Variants in NSD1 observed in about 807,000 individuals in gnomAD.
NSD1 encodes nuclear receptor binding SET domain protein 1.
Under a neutral mutation model 242.7 loss-of-function variants are expected in NSD1, and 26 were observed. The ratio of observed to expected loss-of-function variants is 0.11; its 90% CI spans 0.08 to 0.15. NSD1 has a LOEUF of 0.15. NSD1 is among the 10% of genes least tolerant of loss of function. The pLI is 1.00. For missense variants in NSD1, 2,495 were observed against 3,272.8 expected, an observed-to-expected ratio of 0.76 and a Z score of 5.80; for synonymous variants, 1,106 against 1,178.1, an observed-to-expected ratio of 0.94 and a Z score of 1.25.
upstream of NSD1, among the ~76,000 whole-genome samples, chr5:177,132,845 G>A (rs1755969725): frequency 6.6e-6 from 1 of 152,108 alleles, no homozygotes; most frequent in South Asian, 2.1e-4. The surrounding 1 kb of genome is among the most constrained non-coding windows in gnomAD (Gnocchi z 7.5). Context: ...GTGAGGGGCT[G>A]TGGGCACCGC....
Position 177,134,968 on chromosome 5 carries a change from C to A in NSD1, c.-17-119C>A, listed in dbSNP as rs910427401. 4.7e-6 allele frequency: 4 copies of A among 859,126 alleles called. No individual in the cohort carries two copies. Among genetic ancestry groups the A allele is most frequent in the Non-Finnish European group, 7.5e-6 (4 of 536,442 alleles). 53.2% of individuals were successfully genotyped at this position (859,126 alleles called of 1,614,324 possible). On this transcript the variant is annotated intron_variant, in intron 1 of 22. Transcript: ENST00000439151. The surrounding 1 kb of genome is among the most constrained non-coding windows in gnomAD (Gnocchi z 4.2). ...TCTCCAGTCGGGGGAACTTTTTCTG[C>A]CCATGGAAGTGCAGCAGAAAGGCAT...
At chr5:177,227,966 A>AT (rs903421610) in intron 5 of NSD1, among the ~76,000 whole-genome samples, 17 of 150,130 alleles carry the variant, frequency 1.1e-4, no homozygotes, top group Admixed American at 7.3e-4. Context: ...AAAAAGCAGA[A>AT]TTTTTTTTTG....
At chr5:177,199,200 C>T (rs938544351) in intron 3 of NSD1, among the ~76,000 whole-genome samples, 1 of 152,144 alleles carries the variant, frequency 6.6e-6, no homozygotes, top group Non-Finnish European at 1.5e-5. Context: ...AACTGTAGAC[C>T]AATGTAAGTG....
At chr5:177,230,743 C>T (rs988922310) in intron 5 of NSD1, among the ~76,000 whole-genome samples, 1 of 151,628 alleles carries the variant, frequency 6.6e-6, no homozygotes, top group African/African-American at 2.4e-5. Context: ...ACAAGAATCA[C>T]TTGAACCCAT....
At chr5:177,147,354 G>C (rs910060054) in intron 2 of NSD1, among the ~76,000 whole-genome samples, 4 of 152,128 alleles carry the variant, frequency 2.6e-5, no homozygotes, top group African/African-American at 9.7e-5. Context: ...CAATCCGCCT[G>C]CCTTGGCCTC....
intron 10 of NSD1, 97 bp downstream of exon 10, chr5:177,246,893 C>A: frequency 1.1e-6 from 1 of 883,456 alleles, no homozygotes; most frequent in Non-Finnish European, 1.9e-6. Flanking sequence ...CTTAAGAATA[C>A]TATTCTACTG....
At chr5:177,208,467 A>G (rs1352263987) in intron 4 of NSD1, among the ~76,000 whole-genome samples, 1 of 147,688 alleles carries the variant, frequency 6.8e-6, no homozygotes, top group Non-Finnish European at 1.5e-5. Context: ...TTCTATATTC[A>G]TCATCTTTAA....
chr5:177,265,311 A>G (rs555673024), intron 14 of NSD1: 2 of 642,070 alleles, frequency 3.1e-6, no homozygotes, highest in Non-Finnish European at 5.5e-6. Context: ...ATGGGAATAA[A>G]TTATATATAA....
intron 2 of NSD1, among the ~76,000 whole-genome samples, chr5:177,170,878 T>G (rs1177072047): frequency 6.6e-6 from 1 of 152,116 alleles, no homozygotes; most frequent in Non-Finnish European, 1.5e-5. Flanking sequence ...TGAATTTGCC[T>G]GTTTTATTTT....
At chr5:177,290,559 C>G (rs1350405462) in intron 21 of NSD1, among the ~76,000 whole-genome samples, 1 of 152,074 alleles carries the variant, frequency 6.6e-6, no homozygotes, top group Non-Finnish European at 1.5e-5. Flanking sequence ...AGGCCCCTGC[C>G]ACCACACCTG....
chr5:177,141,034 T>C (rs2149763471), intron 2 of NSD1, among the ~76,000 whole-genome samples: 1 of 152,224 alleles, frequency 6.6e-6, no homozygotes, highest in African/African-American at 2.4e-5. Flanking sequence ...GTTTTTGTTT[T>C]TGTTTTGAGA....
At chr5:177,236,181 T>A (rs1765423085) in intron 6 of NSD1, among the ~76,000 whole-genome samples, 1 of 152,206 alleles carries the variant, frequency 6.6e-6, no homozygotes, top group South Asian at 2.1e-4. Flanking sequence ...CAAAGAGTAA[T>A]GACTTAGGAA....
chr5:177,167,176 A>G (rs950710011), intron 2 of NSD1, among the ~76,000 whole-genome samples: 1 of 152,164 alleles, frequency 6.6e-6, no homozygotes, highest in African/African-American at 2.4e-5. Context: ...AAAAGAGACT[A>G]ATTTTTTAAC....
At chr5:177,208,478 CCTTTTTTTCTTTTT>C (rs1763068576) in intron 4 of NSD1, among the ~76,000 whole-genome samples, 1 of 151,414 alleles carries the variant, frequency 6.6e-6, no homozygotes, top group African/African-American at 2.4e-5. Flanking sequence ...TCATCTTTAA[CCTTTTTTTCTTTTT>C]CTTTTTTTTT....
At chr5:177,256,844 CA>C in intron 12 of NSD1, 106 bp from the exon 13 acceptor site, 1 of 900,314 alleles carries the variant, frequency 1.1e-6, no homozygotes, top group Non-Finnish European at 1.8e-6. Context: ...CAGACGATGT[CA>C]AACCGATCAG....
At position 177,135,394 on chromosome 5, in the gene NSD1, T is replaced by C. The variant is rs1756228349; in HGVS notation, c.291T>C (p.Phe97=). 1.2e-6 allele frequency: 2 copies of C among 1,613,604 alleles called. No homozygotes were observed. Among genetic ancestry groups the C allele is most frequent in the Middle Eastern group, 1.6e-4 (1 of 6,062 alleles). ...LNGSADGSES[F]QDPEKSDSRA... ...GGTCTGCTGATGGATCAGAATCCTT[T>C]CAAGACCCTGAAAAAAGTGATTCAA... Residue 97 remains phenylalanine, a synonymous_variant, in exon 2 of 23, where the codon TTT becomes TTC. Coordinates refer to ENST00000439151, the MANE Select transcript of NSD1 (RefSeq NM_022455.5).
In NSD1 at chr5:177,152,502, C is replaced by T. The variant is rs200761182; in HGVS notation, c.927+16472C>T. 5.7e-5 allele frequency among the ~76,000 whole-genome samples: 7 copies of T among 123,112 alleles called. No individual in the cohort carries two copies. In the East Asian group the frequency reaches 7.4e-4, roughly 13 times the overall value. The allele number at this position is 123,112 out of a possible 152,430, so 80.8% of individuals were successfully genotyped here. A position where few individuals can be genotyped will look rare whatever the true frequency, so the allele number is the denominator to read the frequency against. ...TTTTTTTTTTTTTTTTTTTTTGAGACGGAGTCTCCCTCTGTCGCCAGGTTC... is the reference window on the plus strand; with the variant it reads ...TTTTTTTTTTTTTTTTTTTTTGAGATGGAGTCTCCCTCTGTCGCCAGGTTC... On this transcript the variant is annotated intron_variant, in intron 2 of 22. Coordinates refer to ENST00000439151, the MANE Select transcript of NSD1 (RefSeq NM_022455.5).
In NSD1 at chr5:177,211,013, T is replaced by C. The variant is rs745819964; in HGVS notation, c.2614T>C (p.Leu872=). 26 of 1,614,196 alleles carry C rather than the reference T, an allele frequency of 1.6e-5. No individual in the cohort carries two copies. The highest frequency in any genetic ancestry group is 2.0e-5 in the Non-Finnish European group (24 of 1,180,034). The change falls in exon 5 of 23, where the codon TTA becomes CTA. Residue 872 remains leucine, a synonymous_variant. Transcript: ENST00000439151. The part of the protein sequence containing the change: ...SELKELSYRS[L]GEDVSDSGTS... ...GTTGAAGGAACTCTCTTACAGATCC[T>C]TAGGTGAGGATGTCAGTGACTCTGG...
intron 20 of NSD1, among the ~76,000 whole-genome samples, chr5:177,287,630 C>G (rs116582198): frequency 6.6e-6 from 1 of 151,796 alleles, no homozygotes; most frequent in Non-Finnish European, 1.5e-5. Context: ...AGTGAGACTC[C>G]GTCTCAAAGA....
Sources: gnomAD v4.1 joint callset for allele counts (sites outside exome capture counted in the v4.1 genomes callset) on GRCh38, gnomAD v4.1.1 for gene constraint, Gnocchi (gnomAD v3.1) non-coding constraint, MANE v1.5 for transcripts, NCBI Gene and HGNC (gene_info 2026-07-23, HGNC 2026-07-21) for gene names.